The following CDH8 variants were observed in gnomAD, a reference collection of about 807,000 sequenced individuals.
The protein encoded by CDH8 is cadherin 8.
In CDH8, 17 loss-of-function variants were observed where a neutral mutation model predicts 68.1. The ratio of observed to expected loss-of-function variants is 0.25; its 90% CI spans 0.17 to 0.37. CDH8 has a LOEUF of 0.37. Among genes scored for constraint, CDH8 ranks in the 10% least tolerant of loss-of-function variants. CDH8 has a pLI of 1.00. For synonymous variants in CDH8, 372 were observed against 365.1 expected (o/e 1.02, Z -0.21); for missense variants, 763 against 999.3 (o/e 0.76, Z 3.19).
intron 7 of CDH8, among the ~76,000 whole-genome samples, chr16:61,814,013 G>T (rs1325454869): frequency 1.3e-5 from 2 of 152,098 alleles, no homozygotes; most frequent in African/African-American, 4.8e-5. Flanking sequence ...TAAGTTTTAG[G>T]TTCTTAATTT....
intron 7 of CDH8, among the ~76,000 whole-genome samples, chr16:61,790,205 C>T (rs1248999484): frequency 2.0e-5 from 3 of 151,940 alleles, no homozygotes; most frequent in Admixed American, 6.6e-5. Context: ...CAAGCAAACT[C>T]GTTCAGATAA....
In CDH8 at chr16:62,036,193, C is replaced by G. The variant is rs1902454923; in HGVS notation, c.-313G>C. The G allele has an allele frequency of 3.3e-5, 5 of 152,250 alleles. No homozygotes were observed. The highest frequency in any genetic ancestry group is 3.3e-4 in the Admixed American group (5 of 15,296). The allele number at this position is 152,250 out of a possible 1,614,324, so 9.4% of individuals were successfully genotyped here. A position where few individuals can be genotyped will look rare whatever the true frequency, so the allele number is the denominator to read the frequency against. ...CGCCGACCGGTCCTCGCTCGCTAGG[C>G]AGGCGCCTCCGGATTCCGTTCATGC... On this transcript the variant is annotated 5_prime_UTR_variant, in exon 1 of 12. Transcript: ENST00000577390.
intron 10 of CDH8, among the ~76,000 whole-genome samples, chr16:61,678,793 A>T (rs982664117): frequency 6.6e-6 from 1 of 151,970 alleles, no homozygotes; most frequent in African/African-American, 2.4e-5. Flanking sequence ...ATATTCTCAT[A>T]CCCTCCCCTG....
chr16:61,839,926 A>G (rs984312549), intron 4 of CDH8, among the ~76,000 whole-genome samples: 2 of 152,074 alleles, frequency 1.3e-5, no homozygotes, highest in Non-Finnish European at 2.9e-5. Flanking sequence ...AACAATTATC[A>G]CACCAAATTT....
intron 2 of CDH8, among the ~76,000 whole-genome samples, chr16:61,968,356 C>A (rs1965287790): frequency 6.6e-6 from 1 of 152,192 alleles, no homozygotes; most frequent in Non-Finnish European, 1.5e-5. Flanking sequence ...TCACTGCAAT[C>A]TTACAGCTTA....
intron 10 of CDH8, among the ~76,000 whole-genome samples, chr16:61,713,528 A>T (rs886610829): frequency 6.6e-6 from 1 of 151,622 alleles, no homozygotes; most frequent in Non-Finnish European, 1.5e-5. Flanking sequence ...CCTCTTAGGG[A>T]TATCTCAGAA....
At chr16:62,032,665 C>T (rs553313308) in intron 1 of CDH8, among the ~76,000 whole-genome samples, 52 of 152,214 alleles carry the variant, frequency 3.4e-4, no homozygotes, top group South Asian at 2.9e-3. Flanking sequence ...AAGGCTTCTC[C>T]GATTATGCTT....
At chr16:61,663,753 C>T (rs933882595) in intron 10 of CDH8, among the ~76,000 whole-genome samples, 1 of 151,890 alleles carries the variant, frequency 6.6e-6, no homozygotes, top group African/African-American at 2.4e-5. Context: ...CTATCCATCT[C>T]TCTAATCTTA....
intron 10 of CDH8, among the ~76,000 whole-genome samples, chr16:61,677,682 C>G (rs1010747349): frequency 6.6e-6 from 1 of 152,000 alleles, no homozygotes; most frequent in African/African-American, 2.4e-5. Context: ...TAATACCAGC[C>G]AGTCCCAGCT....
chr16:62,021,394 G>T lies in CDH8; in HGVS notation c.10C>A (p.Arg4=), dbSNP rs139797882. 1.9e-5 allele frequency: 30 copies of T among 1,609,122 alleles called. No individual in the cohort carries two copies. The African/African-American group carries it at 3.3e-4, about 18-fold the overall frequency. ...AGATCCAAGAGCATTTCCGCTAGCC[G>T]TTCTGGCATGGTCCCACCAGTTAAG... The part of the protein sequence containing the change: MPE[R]LAEMLLDLWT... The change falls in exon 2 of 12, where the codon CGG becomes AGG. Residue 4 remains arginine (R), a synonymous_variant. Transcript: ENST00000577390.
In CDH8 at chr16:61,857,357, CT is replaced by C. The variant is rs1963066686; in HGVS notation, c.548-120del. 3.3e-6 allele frequency: 3 copies of C among 908,524 alleles called. No homozygotes were observed. In the Admixed American group the frequency reaches 8.7e-5, roughly 26 times the overall value. 56.3% of individuals were successfully genotyped at this position (908,524 alleles called of 1,614,324 possible). A position where few individuals can be genotyped will look rare whatever the true frequency, so the allele number is the denominator to read the frequency against. On this transcript the variant is annotated intron_variant, in intron 3 of 11. Coordinates refer to ENST00000577390, the MANE Select transcript of CDH8 (RefSeq NM_001796.5). ...TGTAGGGAATAAAAGGAAAAGAAATCTTTTTAAAAAGTTGAAGATAAACTGC... is the reference window on the plus strand; with the variant it reads ...TGTAGGGAATAAAAGGAAAAGAAATCTTTTAAAAAGTTGAAGATAAACTGC...
chr16:61,738,468 C>A (rs572800989), intron 8 of CDH8, among the ~76,000 whole-genome samples: 1 of 152,118 alleles, frequency 6.6e-6, no homozygotes. Context: ...AGGGTAGGCA[C>A]ATTTACGGTT....
At chr16:61,726,390 T>A (rs959764233) in intron 9 of CDH8, 1 of 150,748 alleles carries the variant, frequency 6.6e-6, no homozygotes, top group Admixed American at 6.6e-5. Flanking sequence ...CTTGCTTGTT[T>A]AACTATTTTC....
chr16:61,985,941 T>TC (rs1965619178), intron 2 of CDH8, among the ~76,000 whole-genome samples: 1 of 83,820 alleles, frequency 1.2e-5, no homozygotes, highest in African/African-American at 4.2e-5. Flanking sequence ...TTTTTTTTTT[T>TC]GAGACAGAGT....
chr16:62,025,182 A>T (rs1297736203), intron 1 of CDH8, among the ~76,000 whole-genome samples: 1 of 152,182 alleles, frequency 6.6e-6, no homozygotes, highest in African/African-American at 2.4e-5. Flanking sequence ...CAACCAATGG[A>T]TACAAACAAG....
At chr16:61,662,057 CTT>C (rs369076807) in intron 10 of CDH8, among the ~76,000 whole-genome samples, 9 of 98,526 alleles carry the variant, frequency 9.1e-5, no homozygotes, top group Non-Finnish European at 1.0e-4. Context: ...TACATGCACT[CTT>C]TTTTTTTTTT....
chr16:61,777,378 T>C (rs1203947457), intron 8 of CDH8, among the ~76,000 whole-genome samples: 1 of 152,180 alleles, frequency 6.6e-6, no homozygotes, highest in Non-Finnish European at 1.5e-5. Context: ...CTTCTTTCTA[T>C]ATTTTATCTA....
At chr16:61,816,455 T>C (rs192581179) in intron 7 of CDH8, among the ~76,000 whole-genome samples, 93 of 152,302 alleles carry the variant, frequency 6.1e-4, no homozygotes, top group African/African-American at 2.2e-3. Context: ...GCCCTAGTTA[T>C]TTGTGACTTG....
chr16:61,835,573 T>C (rs1962552380), intron 4 of CDH8, among the ~76,000 whole-genome samples: 1 of 151,930 alleles, frequency 6.6e-6, no homozygotes, highest in Non-Finnish European at 1.5e-5. Flanking sequence ...GCTACCTAAA[T>C]TGCCAATTTT....
Sources: allele counts gnomAD v4.1 joint callset (sites outside exome capture counted in the v4.1 genomes callset), GRCh38; gene constraint gnomAD v4.1.1; transcripts MANE v1.5; gene names NCBI Gene and HGNC (gene_info 2026-07-23, HGNC 2026-07-21).